TNRC6B: variants seen among roughly 807,000 people sequenced by gnomAD.
TNRC6B encodes trinucleotide repeat-containing gene 6B protein.
In TNRC6B, 52 loss-of-function variants were observed where a neutral mutation model predicts 203.6. The ratio of observed to expected loss-of-function variants is 0.26; its 90% CI spans 0.20 to 0.32. The LOEUF is 0.32. Ranked by LOEUF, TNRC6B falls within the 10% of genes least tolerant of loss-of-function variation. The pLI is 1.00. For synonymous variants in TNRC6B, 838 were observed against 845.7 expected (o/e 0.99, Z 0.16); for missense variants, 1,923 against 2,286.2 (o/e 0.84, Z 3.24).
chr22:40,267,156 A>C (rs2070493642), intron 5 of TNRC6B, 120 bp downstream of exon 5: 1 of 1,060,606 alleles, frequency 9.4e-7, no homozygotes, highest in East Asian at 2.8e-5. Context: ...TACAGTTTCT[A>C]CTCTGTTGCT....
At chr22:40,167,770 G>A (rs1014004112) in intron 4 of TNRC6B, among the ~76,000 whole-genome samples, 1 of 151,414 alleles carries the variant, frequency 6.6e-6, no homozygotes, top group African/African-American at 2.4e-5. Context: ...CTAGCTACTT[G>A]GGAGGCTGAG....
intron 4 of TNRC6B, among the ~76,000 whole-genome samples, chr22:40,161,722 A>G (rs1343573829): frequency 1.3e-5 from 2 of 152,176 alleles, no homozygotes; most frequent in African/African-American, 4.8e-5. Context: ...TATAGCTGTA[A>G]ACACTTTATG....
At chr22:40,279,156 C>T (rs966713920) in intron 9 of TNRC6B, among the ~76,000 whole-genome samples, 3 of 152,186 alleles carry the variant, frequency 2.0e-5, no homozygotes, top group South Asian at 2.1e-4. Context: ...CAGGATGCTT[C>T]GTTATTGACA....
chr22:40,121,192 G>A (rs1051231415), intron 2 of TNRC6B, among the ~76,000 whole-genome samples: 4 of 152,034 alleles, frequency 2.6e-5, no homozygotes, highest in African/African-American at 9.7e-5. Flanking sequence ...GTCAGCCAGG[G>A]TTATGCCAGT....
chr22:40,138,463 G>A (rs1317590784), intron 3 of TNRC6B, among the ~76,000 whole-genome samples: 1 of 152,092 alleles, frequency 6.6e-6, no homozygotes, highest in Non-Finnish European at 1.5e-5. Context: ...ACGGGGTTTC[G>A]CTATGTTGGC....
intron 3 of TNRC6B, among the ~76,000 whole-genome samples, chr22:40,152,682 A>C (rs759039644): frequency 6.6e-6 from 1 of 152,136 alleles, no homozygotes; most frequent in Non-Finnish European, 1.5e-5. Context: ...CATGTTGGCC[A>C]GGATGACCTT....
intron 1 of TNRC6B, among the ~76,000 whole-genome samples, chr22:40,102,256 T>C (rs921597178): frequency 1.6e-4 from 25 of 152,200 alleles, no homozygotes; most frequent in Admixed American, 3.3e-4. Context: ...TGTTTGCAAT[T>C]ATAAATGCAG....
At chr22:40,175,340 G>T (rs1601859586), upstream of TNRC6B, among the ~76,000 whole-genome samples, 1 of 152,086 alleles carries the variant, frequency 6.6e-6, no homozygotes, top group Admixed American at 6.6e-5. Flanking sequence ...CTGGGTGACA[G>T]AGCAAGACTC....
chr22:40,222,204 G>T (rs1399396727), intron 1 of TNRC6B, among the ~76,000 whole-genome samples: 14 of 152,130 alleles, frequency 9.2e-5, no homozygotes, highest in Admixed American at 9.2e-4. Flanking sequence ...GCTGAGGAGG[G>T]TTTAATTGAT....
intron 1 of TNRC6B, among the ~76,000 whole-genome samples, chr22:40,221,940 T>C (rs1312030888): frequency 6.6e-6 from 1 of 152,096 alleles, no homozygotes; most frequent in African/African-American, 2.4e-5. Flanking sequence ...TAATGCTTCC[T>C]GTCCTGAAGT....
chr22:40,119,148 A>G (rs1322482763), intron 2 of TNRC6B, among the ~76,000 whole-genome samples: 1 of 152,168 alleles, frequency 6.6e-6, no homozygotes, highest in East Asian at 1.9e-4. Context: ...GTAGGACATT[A>G]CTTGTATTTA....
At chr22:40,223,848 G>T (rs780562484) in intron 1 of TNRC6B, among the ~76,000 whole-genome samples, 3 of 152,140 alleles carry the variant, frequency 2.0e-5, no homozygotes, top group African/African-American at 7.2e-5. Flanking sequence ...AAATTGTCCC[G>T]TACAGAGATT....
intron 1 of TNRC6B, among the ~76,000 whole-genome samples, chr22:40,192,790 G>A (rs959520154): frequency 6.6e-6 from 1 of 152,206 alleles, no homozygotes; most frequent in African/African-American, 2.4e-5. Context: ...GCTATGTGGT[G>A]GGATGAACAG....
intron 12 of TNRC6B, among the ~76,000 whole-genome samples, chr22:40,290,017 C>T (rs1020305095): frequency 6.6e-6 from 1 of 152,198 alleles, no homozygotes; most frequent in Non-Finnish European, 1.5e-5. Flanking sequence ...TTACCACTTT[C>T]AACAGCACAG....
rs920016515 is a variant in TNRC6B, at chr22:40,103,729, A to AC, written c.-120-13324dup. Among the ~76,000 whole-genome samples, 31 of 151,440 alleles carry AC rather than the reference A, an allele frequency of 2.0e-4. 1 individual carries two copies. The highest frequency in any genetic ancestry group is 4.3e-4 in the Non-Finnish European group (29 of 67,854). The stretch of plus-strand genomic sequence containing the variant: ...ACGATCTTGGCTTCCTGCAACCTCT[A>AC]CCTCTCAGGTTCAAGCAATTCTCCT... On this transcript the variant is annotated intron_variant, in intron 1 of 23. Transcript: ENST00000301923.
At chr22:40,077,727 G>A (rs975309975) in intron 1 of TNRC6B, among the ~76,000 whole-genome samples, 1 of 151,960 alleles carries the variant, frequency 6.6e-6, no homozygotes, top group African/African-American at 2.4e-5. Flanking sequence ...ATCCTCTTAC[G>A]CTGAGATAAC....
At chr22:40,248,720 CA>C (rs2146475039) in intron 2 of TNRC6B, among the ~76,000 whole-genome samples, 1 of 152,218 alleles carries the variant, frequency 6.6e-6, no homozygotes, top group African/African-American at 2.4e-5. Flanking sequence ...GAAGTGATAG[CA>C]AAGGGGAAAA....
intron 9 of TNRC6B, among the ~76,000 whole-genome samples, chr22:40,279,499 A>G (rs2070696294): frequency 6.6e-6 from 1 of 152,148 alleles, no homozygotes; most frequent in African/African-American, 2.4e-5. Context: ...TTCAGCTCTT[A>G]AGTTCTAAAT....
intron 3 of TNRC6B, among the ~76,000 whole-genome samples, chr22:40,127,230 C>T (rs774534006): frequency 5.9e-5 from 9 of 152,152 alleles, no homozygotes; most frequent in Non-Finnish European, 1.0e-4. Context: ...ACAACTCTTT[C>T]CATTTCTTTC....
Sources: allele counts gnomAD v4.1 joint callset (sites outside exome capture counted in the v4.1 genomes callset), GRCh38; gene constraint gnomAD v4.1.1; transcripts MANE v1.5; gene names NCBI Gene and HGNC (gene_info 2026-07-23, HGNC 2026-07-21).